PDE11A: variants seen among roughly 807,000 people sequenced by gnomAD.
The protein encoded by PDE11A is phosphodiesterase 11A, also known as dual 3',5'-cyclic-AMP and -GMP phosphodiesterase 11A.
PDE11A carries 100 observed loss-of-function variants against 100.5 expected under a neutral mutation model. The ratio of observed to expected loss-of-function variants is 1.00; its 90% CI spans 0.85 to 1.18. The LOEUF (loss-of-function observed/expected upper bound fraction) is 1.18. Among genes scored for constraint, PDE11A ranks in the 50% most tolerant of loss-of-function variants. The pLI is 0.00. For synonymous variants in PDE11A, 381 were observed against 420.8 expected (o/e 0.91, Z 1.16); for missense variants, 1,141 against 1,152.6 (o/e 0.99, Z 0.15).
intron 6 of PDE11A, among the ~76,000 whole-genome samples, chr2:177,822,635 T>A (rs2083158192): frequency 6.6e-6 from 1 of 152,088 alleles, no homozygotes; most frequent in African/African-American, 2.4e-5. Flanking sequence ...ACATATACAT[T>A]CCTGGGATTT....
At chr2:177,822,185 C>T (rs2083151839) in intron 6 of PDE11A, among the ~76,000 whole-genome samples, 2 of 151,812 alleles carry the variant, frequency 1.3e-5, no homozygotes, top group African/African-American at 4.8e-5. Flanking sequence ...TGAAGATATT[C>T]TTCTGTGCTT....
chr2:177,961,769 C>G (rs1306470679), intron 2 of PDE11A, among the ~76,000 whole-genome samples: 1 of 151,716 alleles, frequency 6.6e-6, no homozygotes, highest in Non-Finnish European at 1.5e-5. Context: ...AAAATATAAC[C>G]ATTAATATAA....
chr2:177,661,040 A>C (rs1452074137), intron 19 of PDE11A, among the ~76,000 whole-genome samples: 1 of 151,786 alleles, frequency 6.6e-6, no homozygotes, highest in Non-Finnish European at 1.5e-5. Flanking sequence ...AACCTCCTCC[A>C]CCTGCAGGAA....
intron 2 of PDE11A, among the ~76,000 whole-genome samples, chr2:177,947,080 CCCCT>C (rs2085449451): frequency 1.6e-5 from 1 of 61,404 alleles, no homozygotes; most frequent in South Asian, 8.4e-4. Flanking sequence ...TGCCCGGCCG[CCCCT>C]ACTGGGAAGT....
intron 10 of PDE11A, among the ~76,000 whole-genome samples, chr2:177,743,823 G>A (rs1355694641): frequency 6.6e-6 from 1 of 152,220 alleles, no homozygotes; most frequent in African/African-American, 2.4e-5. Context: ...CCAGAAATCA[G>A]GAAGGGGTGA....
intron 9 of PDE11A, among the ~76,000 whole-genome samples, chr2:177,782,303 T>C (rs1021005084): frequency 6.6e-6 from 1 of 152,236 alleles, no homozygotes; most frequent in Non-Finnish European, 1.5e-5. Flanking sequence ...GTGGGGTCTA[T>C]GTCCCTTCCC....
chr2:177,945,502 C>A, intron 2 of PDE11A, among the ~76,000 whole-genome samples: 1 of 147,912 alleles, frequency 6.8e-6, no homozygotes, highest in Non-Finnish European at 1.5e-5. Flanking sequence ...AGGCCTCTGC[C>A]CGGCCGAGAC....
chr2:177,989,484 G>A (rs2085977691), intron 2 of PDE11A, among the ~76,000 whole-genome samples: 1 of 152,138 alleles, frequency 6.6e-6, no homozygotes, highest in Non-Finnish European at 1.5e-5. Flanking sequence ...CACAGACTAG[G>A]GACTGATGCC....
chr2:177,995,469 A>T (rs776333563), intron 2 of PDE11A, among the ~76,000 whole-genome samples: 1 of 152,174 alleles, frequency 6.6e-6, no homozygotes, highest in Non-Finnish European at 1.5e-5. Flanking sequence ...GGAATCACAA[A>T]CTATTCCTAA....
chr2:178,028,442 A>C (rs1327399550), intron 1 of PDE11A, among the ~76,000 whole-genome samples: 2 of 152,230 alleles, frequency 1.3e-5, no homozygotes. Context: ...ATTTGTAAAT[A>C]ATCTGGATAA....
At chr2:177,686,289 A>G (rs1301345870) in intron 15 of PDE11A, among the ~76,000 whole-genome samples, 6 of 152,220 alleles carry the variant, frequency 3.9e-5, no homozygotes, top group Non-Finnish European at 8.8e-5. Flanking sequence ...ATGAGAGGCC[A>G]GGTATAGTGG....
chr2:177,914,144 T>C (rs2084920067), intron 2 of PDE11A, among the ~76,000 whole-genome samples: 1 of 152,200 alleles, frequency 6.6e-6, no homozygotes, highest in Non-Finnish European at 1.5e-5. Context: ...TCATAATTTG[T>C]TGGTTGTCTG....
intron 6 of PDE11A, among the ~76,000 whole-genome samples, chr2:177,823,650 A>G (rs1467134779): frequency 6.6e-6 from 1 of 152,218 alleles, no homozygotes; most frequent in Non-Finnish European, 1.5e-5. Context: ...CTTCCAAAAA[A>G]ACAAACTGGT....
chr2:177,980,705 T>A (rs907446930), intron 2 of PDE11A, among the ~76,000 whole-genome samples: 8 of 150,592 alleles, frequency 5.3e-5, no homozygotes, highest in African/African-American at 1.9e-4. Flanking sequence ...ACTACAACAA[T>A]TTGGGTGATG....
intron 2 of PDE11A, among the ~76,000 whole-genome samples, chr2:178,088,615 T>C (rs2087386199): frequency 1.3e-5 from 2 of 152,244 alleles, no homozygotes; most frequent in African/African-American, 4.8e-5. Flanking sequence ...CACTTTGTCC[T>C]TTTAGATCCT....
chr2:177,831,123 T>C (rs1413259915), intron 6 of PDE11A, among the ~76,000 whole-genome samples: 3 of 152,166 alleles, frequency 2.0e-5, no homozygotes, highest in African/African-American at 7.2e-5. Context: ...GCTCACCTGC[T>C]AAGTCTGCTC....
At position 177,814,205 on chromosome 2, in the gene PDE11A, C is replaced by A. The variant is rs140244780; in HGVS notation, c.1737+2624G>T. On this transcript the variant is annotated intron_variant, in intron 9 of 19. Transcript: ENST00000286063. The stretch of plus-strand genomic sequence containing the variant: ...GGACTAAGCAAGTTATAAATACATA[C>A]TTTCCATAGAAATATTTAGAAAAAT... Among the ~76,000 whole-genome samples the A allele has an allele frequency of 3.9e-5, 6 of 152,126 alleles. No homozygotes were observed. In the East Asian group the frequency reaches 1.2e-3, roughly 29 times the overall value.
intron 4 of PDE11A, among the ~76,000 whole-genome samples, chr2:177,889,093 T>C (rs1050292421): frequency 2.0e-4 from 30 of 152,194 alleles, no homozygotes; most frequent in Admixed American, 1.9e-3. Flanking sequence ...TAGAACTACA[T>C]TTGCTGTGCT....
Position 177,625,520 on chromosome 2 carries a change from A to C in PDE11A, c.*3887T>G, listed in dbSNP as rs2079818895. The C allele has an allele frequency of 6.6e-6, 1 of 152,444 alleles. No individual in the cohort carries two copies. The highest frequency in any genetic ancestry group is 2.1e-4 in the South Asian group (1 of 4,836). 9.4% of individuals were successfully genotyped at this position (152,444 alleles called of 1,614,324 possible). On this transcript the variant is annotated 3_prime_UTR_variant, in exon 20 of 20. Transcript: ENST00000286063. ...TGTAGATTGTGCACATAATAGCTAC[A>C]TAGTGACTAGTAAGAATAAATATGT...
Sources: gnomAD v4.1 joint callset for allele counts (sites outside exome capture counted in the v4.1 genomes callset) on GRCh38, gnomAD v4.1.1 for gene constraint, MANE v1.5 for transcripts, NCBI Gene and HGNC (gene_info 2026-07-23, HGNC 2026-07-21) for gene names.